MICU3: variants seen among roughly 807,000 people sequenced by gnomAD.
MICU3 encodes the protein calcium uptake protein 3, mitochondrial.
MICU3 carries 62 observed loss-of-function variants against 66.5 expected under a neutral mutation model. The ratio of observed to expected loss-of-function variants is 0.93; its 90% CI spans 0.76 to 1.15. The LOEUF (loss-of-function observed/expected upper bound fraction) is 1.15. MICU3 is among the 50% of genes most tolerant of loss of function. MICU3 has a pLI of 0.00. For synonymous variants in MICU3, 308 were observed against 240.7 expected (o/e 1.28, Z -2.59); for missense variants, 779 against 664.4 (o/e 1.17, Z -1.90).
intron 4 of MICU3, 122 bp from the exon 5 acceptor site, chr8:17,081,571 A>G (rs1821187133): frequency 5.6e-6 from 2 of 357,960 alleles, no homozygotes; most frequent in Non-Finnish European, 1.0e-5. Flanking sequence ...TGATTTTATA[A>G]TAATGATTGT....
intron 1 of MICU3, among the ~76,000 whole-genome samples, chr8:17,028,231 A>T (rs1585127954): frequency 6.6e-6 from 1 of 152,202 alleles, no homozygotes; most frequent in South Asian, 2.1e-4. Flanking sequence ...TCAAAAAGAG[A>T]CATAAGTATT....
intron 6 of MICU3, 81 bp from the exon 7 acceptor site, chr8:17,086,883 G>T: frequency 2.4e-6 from 2 of 843,316 alleles, no homozygotes; most frequent in Non-Finnish European, 2.0e-6. Flanking sequence ...TTTGTTTTTG[G>T]AATATACCTA....
chr8:17,090,295 A>C (rs1362188862), intron 7 of MICU3, among the ~76,000 whole-genome samples: 1 of 152,124 alleles, frequency 6.6e-6, no homozygotes, highest in East Asian at 1.9e-4. Context: ...GTTCTATTAG[A>C]AGGTTATAAT....
intron 1 of MICU3, among the ~76,000 whole-genome samples, chr8:17,062,191 A>G (rs1817932200): frequency 6.6e-6 from 1 of 151,688 alleles, no homozygotes; most frequent in Admixed American, 6.6e-5. Flanking sequence ...TGCTGTAGAA[A>G]CTCCACATGT....
At chr8:17,104,611 C>G (rs1302591363) in intron 10 of MICU3, 120 bp downstream of exon 10, 2 of 445,170 alleles carry the variant, frequency 4.5e-6, no homozygotes, top group Non-Finnish European at 7.9e-6. Context: ...AAATAAGATC[C>G]TCTGTATAAT....
At chr8:17,033,404 A>G (rs1232342291) in intron 1 of MICU3, among the ~76,000 whole-genome samples, 19 of 152,116 alleles carry the variant, frequency 1.2e-4, no homozygotes, top group Admixed American at 1.1e-3. Context: ...TTCCCTTAAG[A>G]CAGAGCTTAA....
intron 8 of MICU3, among the ~76,000 whole-genome samples, chr8:17,095,462 A>T (rs17686906): frequency 0.13 from 19,327 of 151,876 alleles, 1,602 homozygotes; most frequent in Admixed American, 0.2. Flanking sequence ...AATTATAAAG[A>T]TATAGTTTTA....
rs189792013 is a variant in MICU3, at chr8:17,079,502, C to A, written c.646+1641C>A. On this transcript the variant is annotated intron_variant, in intron 4 of 14. Coordinates refer to ENST00000318063, the MANE Select transcript of MICU3 (RefSeq NM_181723.3). ...TGGCAGAGAAATTTTAAGACTAAATCTTTAGAGCTATTGAAGACTAATTTT... is the reference window on the plus strand; with the variant it reads ...TGGCAGAGAAATTTTAAGACTAAATATTTAGAGCTATTGAAGACTAATTTT... 1.6e-3 allele frequency among the ~76,000 whole-genome samples: 241 copies of A among 152,038 alleles called. 5 individuals are homozygous for A. Among genetic ancestry groups the A allele is most frequent in the Admixed American group, 1.2e-3 (18 of 15,242 alleles).
intron 7 of MICU3, among the ~76,000 whole-genome samples, chr8:17,089,835 T>C (rs1320801608): frequency 6.6e-6 from 1 of 152,136 alleles, no homozygotes; most frequent in African/African-American, 2.4e-5. Flanking sequence ...ACTTATTCTT[T>C]AGTTAGTAGA....
chr8:17,073,962 C>A (rs569428129), intron 3 of MICU3, among the ~76,000 whole-genome samples: 1 of 152,010 alleles, frequency 6.6e-6, no homozygotes, highest in Non-Finnish European at 1.5e-5. Context: ...TCCATGAAGT[C>A]AAAACTATTT....
intron 11 of MICU3, among the ~76,000 whole-genome samples, chr8:17,111,364 C>G (rs545626222): frequency 6.8e-4 from 104 of 151,832 alleles, no homozygotes; most frequent in Admixed American, 1.8e-3. Context: ...ACTCTGTTAC[C>G]CAGGCAGGAG....
intron 3 of MICU3, among the ~76,000 whole-genome samples, chr8:17,070,265 T>A (rs1184413060): frequency 6.6e-6 from 1 of 152,088 alleles, no homozygotes; most frequent in Non-Finnish European, 1.5e-5. Flanking sequence ...TAAATAAATG[T>A]TGATATATTC....
intron 11 of MICU3, among the ~76,000 whole-genome samples, chr8:17,110,746 G>GT (rs1221905441): frequency 4.0e-5 from 6 of 151,474 alleles, no homozygotes; most frequent in Admixed American, 2.0e-4. Context: ...TGGGGAGGGG[G>GT]GGGTAGAGAC....
intron 1 of MICU3, among the ~76,000 whole-genome samples, chr8:17,062,784 C>T (rs538326057): frequency 1.8e-4 from 28 of 151,816 alleles, no homozygotes; most frequent in Middle Eastern, 3.4e-3. Flanking sequence ...GGAGGCTAGG[C>T]AGGAGAGTCG....
At chr8:17,039,146 T>G (rs1386305443) in intron 1 of MICU3, among the ~76,000 whole-genome samples, 1 of 152,156 alleles carries the variant, frequency 6.6e-6, no homozygotes, top group Non-Finnish European at 1.5e-5. Flanking sequence ...TAAAGTATTT[T>G]TAAATTAAGT....
chr8:17,045,525 T>C (rs1258253936), intron 1 of MICU3, among the ~76,000 whole-genome samples: 1 of 152,166 alleles, frequency 6.6e-6, no homozygotes, highest in Non-Finnish European at 1.5e-5. Flanking sequence ...AAGTCCCCAA[T>C]GAAGTCCCGA....
At chr8:17,135,274 G>A in the MICU3 span, among the ~76,000 whole-genome samples, 1 of 151,978 alleles carries the variant, frequency 6.6e-6, no homozygotes, top group Non-Finnish European at 1.5e-5. Flanking sequence ...TGGTGGGCAG[G>A]AGTAGTCCCG....
chr8:17,050,572 G>C (rs977961566), intron 1 of MICU3, among the ~76,000 whole-genome samples: 1 of 151,942 alleles, frequency 6.6e-6, no homozygotes, highest in East Asian at 1.9e-4. Flanking sequence ...TTCTCTATTT[G>C]ATCTGTCCAT....
chr8:17,089,609 A>T (rs1438812299), intron 7 of MICU3, among the ~76,000 whole-genome samples: 1 of 152,040 alleles, frequency 6.6e-6, no homozygotes, highest in Non-Finnish European at 1.5e-5. Flanking sequence ...CAGGCTCAGG[A>T]GCCAGATTTT....
Sources: gnomAD v4.1 joint callset for allele counts (sites outside exome capture counted in the v4.1 genomes callset) on GRCh38, gnomAD v4.1.1 for gene constraint, MANE v1.5 for transcripts, NCBI Gene and HGNC (gene_info 2026-07-23, HGNC 2026-07-21) for gene names.